Variants in RFX3 observed in about 807,000 individuals in gnomAD.
The protein encoded by RFX3 is regulatory factor X3.
In RFX3, 14 loss-of-function variants were observed where a neutral mutation model predicts 98.6. That is an observed-to-expected ratio of 0.14 (90% CI 0.09 to 0.22). The LOEUF is 0.22. Among genes scored for constraint, RFX3 ranks in the 10% least tolerant of loss-of-function variants. RFX3 has a pLI of 1.00. For synonymous variants in RFX3, 383 were observed against 328.4 expected (o/e 1.17, Z -1.80); for missense variants, 639 against 926.9 (o/e 0.69, Z 4.03).
chr9:3,523,073 T>A (rs1818878462), intron 1 of RFX3, among the ~76,000 whole-genome samples: 1 of 152,198 alleles, frequency 6.6e-6, no homozygotes, highest in South Asian at 2.1e-4. Flanking sequence ...TTGCCATATA[T>A]GTGTATATGT....
intron 1 of RFX3, among the ~76,000 whole-genome samples, chr9:3,504,180 T>C (rs943623988): frequency 1.0e-5 from 1 of 96,150 alleles, no homozygotes; most frequent in Non-Finnish European, 1.7e-5. Context: ...TTATATATTA[T>C]ACATATTATA....
At chr9:3,490,257 A>G in intron 1 of RFX3, 1 of 867,874 alleles carries the variant, frequency 1.2e-6, no homozygotes, top group Non-Finnish European at 1.4e-6. Context: ...CATTATTTAT[A>G]AAGAACATGT....
chr9:3,452,371 G>A (rs927918356), intron 1 of RFX3: 8 of 325,848 alleles, frequency 2.5e-5, no homozygotes, highest in Non-Finnish European at 3.3e-5. Flanking sequence ...CAGGAGAACT[G>A]CTTGACACTA....
At chr9:3,259,998 A>C (rs558503216) in intron 13 of RFX3, among the ~76,000 whole-genome samples, 1 of 152,164 alleles carries the variant, frequency 6.6e-6, no homozygotes, top group East Asian at 1.9e-4. Flanking sequence ...AGATGGGGAT[A>C]AAGGTAAAAT....
intron 2 of RFX3, among the ~76,000 whole-genome samples, chr9:3,368,675 T>C (rs376338829): frequency 3.3e-5 from 5 of 152,214 alleles, no homozygotes; most frequent in East Asian, 3.9e-4. Context: ...TGCACATTGC[T>C]GTAACAAGTT....
At chr9:3,396,889 TA>T (rs929080607) in intron 1 of RFX3, among the ~76,000 whole-genome samples, 4 of 152,180 alleles carry the variant, frequency 2.6e-5, no homozygotes, top group African/African-American at 9.7e-5. Context: ...TTTGGTGATC[TA>T]AAACAATTAA....
rs534679724 is a variant in RFX3 at position 3,343,320 on chromosome 9, T to C, written c.215+3347A>G. The stretch of plus-strand genomic sequence containing the variant: ...GATCAGAGTCCCTATCTTCTGGAAG[T>C]ATCATTAGCAAAAAGCATTTATTAT... On this transcript the variant is annotated intron_variant, in intron 3 of 16. Transcript: ENST00000617270. Among the ~76,000 whole-genome samples, 13 of 152,254 alleles carry C rather than the reference T, an allele frequency of 8.5e-5. 1 individual carries two copies. In the South Asian group the frequency reaches 2.7e-3, roughly 32 times the overall value.
At chr9:3,238,090 G>A (rs1300076) in intron 15 of RFX3, among the ~76,000 whole-genome samples, 32,580 of 151,998 alleles carry the variant, frequency 0.21, 6,302 homozygotes, top group African/African-American at 0.53. Context: ...CGTGTTTGCA[G>A]AGGGACCTAG....
At position 3,370,572 on chromosome 9, in the gene RFX3, C is replaced by A. The variant is rs548716643; in HGVS notation, c.118-23808G>T. Among the ~76,000 whole-genome samples, 61 of 151,822 alleles carry A rather than the reference C, an allele frequency of 4.0e-4. 1 individual carries two copies. Among genetic ancestry groups the A allele is most frequent in the Non-Finnish European group, 3.4e-4 (23 of 67,922 alleles). On this transcript the variant is annotated intron_variant, in intron 2 of 16. Transcript: ENST00000617270. ...GGGATGGGGAGGGTAGAGATTGGGA[C>A]GAGCCAGAGGAAAGTTTTCTAGAGT...
At chr9:3,417,498 A>C (rs1490464024) in intron 1 of RFX3, among the ~76,000 whole-genome samples, 6 of 152,146 alleles carry the variant, frequency 3.9e-5, no homozygotes, top group African/African-American at 1.4e-4. Context: ...AAAAGAATTA[A>C]GTTAAAAATC....
At chr9:3,351,817 T>C (rs1481461334) in intron 2 of RFX3, among the ~76,000 whole-genome samples, 1 of 151,976 alleles carries the variant, frequency 6.6e-6, no homozygotes, top group Admixed American at 6.6e-5. Context: ...AGACAATATT[T>C]TAAGAAAACG....
At chr9:3,333,188 A>G (rs1481468613) in intron 3 of RFX3, among the ~76,000 whole-genome samples, 1 of 152,220 alleles carries the variant, frequency 6.6e-6, no homozygotes, top group Non-Finnish European at 1.5e-5. Context: ...TGTATCACAA[A>G]TCTTTTATTT....
intron 12 of RFX3, among the ~76,000 whole-genome samples, chr9:3,264,088 A>G (rs1823292986): frequency 6.6e-6 from 1 of 151,910 alleles, no homozygotes; most frequent in Non-Finnish European, 1.5e-5. Flanking sequence ...AACTCTGTTC[A>G]TACCTTTGGA....
intron 1 of RFX3, among the ~76,000 whole-genome samples, chr9:3,456,385 G>A (rs1847154169): frequency 1.3e-5 from 2 of 152,152 alleles, no homozygotes; most frequent in South Asian, 4.1e-4. Context: ...CAGTATTACA[G>A]ACCATCTTAA....
chr9:3,357,854 C>T (rs1563980738), intron 2 of RFX3, among the ~76,000 whole-genome samples: 1 of 151,922 alleles, frequency 6.6e-6, no homozygotes. Context: ...CATGTATCCC[C>T]GAAATATGAA....
At chr9:3,505,354 TA>T (rs1279711541) in intron 1 of RFX3, among the ~76,000 whole-genome samples, 118 of 6,716 alleles carry the variant, frequency 0.018, 20 homozygotes, top group African/African-American at 0.051. Context: ...AAATATTTTA[TA>T]TTTATATAAA....
At chr9:3,472,157 T>C (rs142050905) in intron 1 of RFX3, among the ~76,000 whole-genome samples, 176 of 152,346 alleles carry the variant, frequency 1.2e-3, no homozygotes, top group African/African-American at 3.6e-3. Context: ...TGTTGTCAAG[T>C]TATTGAATGT....
At chr9:3,312,616 C>T (rs548620357) in intron 4 of RFX3, among the ~76,000 whole-genome samples, 2 of 151,654 alleles carry the variant, frequency 1.3e-5, no homozygotes, top group African/African-American at 2.4e-5. Context: ...CCAAGATGGC[C>T]GAATAGGAAC....
At chr9:3,524,713 A>G in intron 1 of RFX3, 2 of 714,076 alleles carry the variant, frequency 2.8e-6, no homozygotes, top group Non-Finnish European at 3.4e-6. Flanking sequence ...GAGGATCATC[A>G]AAGTGAAACG....
Sources: allele counts gnomAD v4.1 joint callset (sites outside exome capture counted in the v4.1 genomes callset), GRCh38; gene constraint gnomAD v4.1.1; transcripts MANE v1.5; gene names NCBI Gene and HGNC (gene_info 2026-07-23, HGNC 2026-07-21).